Variants in ALCAM observed in about 807,000 individuals in gnomAD.
ALCAM encodes activated leukocyte cell adhesion molecule, also known as CD166 antigen.
Under a neutral mutation model 70.9 loss-of-function variants are expected in ALCAM, and 30 were observed. That is an observed-to-expected ratio of 0.42 (90% confidence interval 0.32 to 0.57). The LOEUF (loss-of-function observed/expected upper bound fraction) is 0.57, where lower values mean the gene tolerates loss of function less well. ALCAM is among the 20% of genes least tolerant of loss of function. The probability of loss-of-function intolerance (pLI) is 0.11; values close to 1 mark genes in which losing one functional copy is unlikely to be tolerated. For synonymous variants in ALCAM, 249 were observed against 242.5 expected (o/e 1.03, Z -0.25); for missense variants, 591 against 695.1 (o/e 0.85, Z 1.68).
intron 1 of ALCAM, among the ~76,000 whole-genome samples, chr3:105,494,956 T>C (rs1938695831): frequency 6.6e-6 from 1 of 152,174 alleles, no homozygotes; most frequent in South Asian, 2.1e-4. Context: ...CCACTGCACC[T>C]GGACCACTGT....
At chr3:105,449,879 A>C (rs912435563) in intron 1 of ALCAM, among the ~76,000 whole-genome samples, 1 of 152,202 alleles carries the variant, frequency 6.6e-6, no homozygotes, top group Non-Finnish European at 1.5e-5. Flanking sequence ...ACAGCAATAT[A>C]CTACTTTCAT....
chr3:105,396,394 C>A (rs922479086), intron 1 of ALCAM, among the ~76,000 whole-genome samples: 2 of 151,800 alleles, frequency 1.3e-5, no homozygotes, highest in Non-Finnish European at 2.9e-5. Context: ...AAAGAAGGAT[C>A]AGACTCAAAG....
intron 1 of ALCAM, among the ~76,000 whole-genome samples, chr3:105,458,732 CTCT>C (rs984990873): frequency 6.6e-6 from 1 of 152,146 alleles, no homozygotes; most frequent in African/African-American, 2.4e-5. Flanking sequence ...GCCTTGAGAG[CTCT>C]TCTACCACTC....
chr3:105,463,834 C>T (rs956502497), intron 1 of ALCAM, among the ~76,000 whole-genome samples: 5 of 151,278 alleles, frequency 3.3e-5, no homozygotes, highest in Admixed American at 1.3e-4. Flanking sequence ...AGTATTTTCC[C>T]TGAAGTCCCT....
At chr3:105,518,722 C>A (rs1939448466) in intron 1 of ALCAM, among the ~76,000 whole-genome samples, 1 of 151,788 alleles carries the variant, frequency 6.6e-6, no homozygotes. Flanking sequence ...TTGAAGTAAA[C>A]CTCATGTCTC....
At chr3:105,391,657 T>C (rs1935819893) in intron 1 of ALCAM, among the ~76,000 whole-genome samples, 2 of 152,080 alleles carry the variant, frequency 1.3e-5, no homozygotes, top group East Asian at 1.9e-4. Context: ...GGCATCCTTA[T>C]ATTGTGTCGG....
chr3:105,452,312 G>A (rs759174918), intron 1 of ALCAM, among the ~76,000 whole-genome samples: 5 of 151,848 alleles, frequency 3.3e-5, no homozygotes, highest in Non-Finnish European at 7.4e-5. Context: ...AGTGAGAGTC[G>A]AACATGCAGT....
At chr3:105,403,465 C>T (rs1936143223) in intron 1 of ALCAM, among the ~76,000 whole-genome samples, 1 of 152,092 alleles carries the variant, frequency 6.6e-6, no homozygotes, top group African/African-American at 2.4e-5. Context: ...ACTGGGTTGC[C>T]AGACCTAGAA....
intron 1 of ALCAM, among the ~76,000 whole-genome samples, chr3:105,376,066 A>T (rs1236722893): frequency 6.6e-6 from 1 of 152,078 alleles, no homozygotes; most frequent in African/African-American, 2.4e-5. Context: ...TGGAAAGTTC[A>T]GTGTGTGTGA....
rs148955910 is a variant in ALCAM at position 105,548,401 on chromosome 3, A to G, written c.1374+878A>G. On this transcript the variant is annotated intron_variant, in intron 11 of 15. Coordinates refer to ENST00000306107, the MANE Select transcript of ALCAM (RefSeq NM_001627.4). ...CAGGAGCACCCAGAGGTACCACTGG[A>G]TTATTTAAATCTTCTGTACTTCTCA... 1.1e-3 allele frequency among the ~76,000 whole-genome samples: 174 copies of G among 151,494 alleles called. 1 individual carries two copies. The highest frequency in any genetic ancestry group is 3.9e-3 in the African/African-American group (161 of 41,440).
chr3:105,423,695 C>T (rs1436846725), intron 1 of ALCAM, among the ~76,000 whole-genome samples: 1 of 151,472 alleles, frequency 6.6e-6, no homozygotes, highest in East Asian at 1.9e-4. Flanking sequence ...ACACATCTGT[C>T]ATTTTATTCT....
At chr3:105,498,207 T>A (rs1277130009) in intron 1 of ALCAM, among the ~76,000 whole-genome samples, 1 of 152,188 alleles carries the variant, frequency 6.6e-6, no homozygotes, top group Non-Finnish European at 1.5e-5. Context: ...CAAAGTCATA[T>A]GGCTAGGAAG....
intron 1 of ALCAM, among the ~76,000 whole-genome samples, chr3:105,471,774 C>T (rs1937937998): frequency 1.3e-5 from 2 of 151,244 alleles, no homozygotes; most frequent in Admixed American, 1.3e-4. Context: ...TGTGTTACCT[C>T]ACATAGTTAT....
chr3:105,372,364 A>G (rs969782802), intron 1 of ALCAM, among the ~76,000 whole-genome samples: 20 of 152,000 alleles, frequency 1.3e-4, no homozygotes, highest in African/African-American at 4.6e-4. Flanking sequence ...TTTCTCCCTT[A>G]TTATTGAATA....
At chr3:105,454,504 T>A (rs1371243293) in intron 1 of ALCAM, among the ~76,000 whole-genome samples, 3 of 152,108 alleles carry the variant, frequency 2.0e-5, no homozygotes, top group Non-Finnish European at 2.9e-5. Flanking sequence ...ACTGAGTAGA[T>A]CACAGTTTTA....
chr3:105,378,079 TGTATAAACTGATAAAAA>T (rs1441966057), intron 1 of ALCAM, among the ~76,000 whole-genome samples: 1 of 152,006 alleles, frequency 6.6e-6, no homozygotes, highest in Non-Finnish European at 1.5e-5. Flanking sequence ...GTCAGAATTT[TGTATAAACTGATAAAAA>T]GTACAATATT....
chr3:105,457,922 T>A (rs1280631031), intron 1 of ALCAM, among the ~76,000 whole-genome samples: 2 of 152,176 alleles, frequency 1.3e-5, no homozygotes, highest in Non-Finnish European at 2.9e-5. Context: ...CTCATCCGTA[T>A]CCTGAATGTT....
In ALCAM at chr3:105,545,225, T is replaced by A; in HGVS notation, c.994T>A (p.Leu332Met). 2 of 1,598,596 alleles carry A rather than the reference T, an allele frequency of 1.3e-6. No homozygotes were observed. Among genetic ancestry groups the A allele is most frequent in the Non-Finnish European group, 1.7e-6 (2 of 1,166,840 alleles). Residue 332 changes from leucine to methionine, a missense_variant and splice_region_variant, in exon 9 of 16, where the codon TTG (leucine) becomes ATG (methionine). Around this residue, in one of 2 missense-constraint regions of ALCAM, gnomAD observed 427 missense variants for 450.4 expected, o/e 0.95. Transcript: ENST00000306107. ...IASTAITVHY[L>M]DLSLNPSGEV... Reference sequence around the variant, plus strand: ...TGAACAGATTTTCTGCTTCACAGATTTGGATTTGTCCTTAAACCCAAGTGG... The same window carrying A: ...TGAACAGATTTTCTGCTTCACAGATATGGATTTGTCCTTAAACCCAAGTGG...
At chr3:105,368,710 A>G (rs1311941477) in intron 1 of ALCAM, among the ~76,000 whole-genome samples, 3 of 152,102 alleles carry the variant, frequency 2.0e-5, no homozygotes, top group African/African-American at 4.8e-5. Context: ...CCAGAGCCTG[A>G]GGAAGAGATT....
Sources: gnomAD v4.1 joint callset for allele counts (sites outside exome capture counted in the v4.1 genomes callset) on GRCh38, gnomAD v4.1.1 for gene constraint, gnomAD v4.1.1 regional missense constraint, MANE v1.5 for transcripts, NCBI Gene and HGNC (gene_info 2026-07-23, HGNC 2026-07-21) for gene names.